The following CEP126 variants were observed in gnomAD, a reference collection of about 807,000 sequenced individuals.
CEP126 encodes centrosomal protein of 126 kDa.
In CEP126, 74 loss-of-function variants were observed where a neutral mutation model predicts 107.8. The observed-to-expected ratio is 0.69, with a 90% CI of 0.57 to 0.83. CEP126 has a LOEUF of 0.83. CEP126 is among the 40% of genes least tolerant of loss of function. The pLI is 0.00. For missense variants in CEP126, 1,237 were observed against 1,281.9 expected (o/e 0.96, Z 0.53); for synonymous variants, 449 against 446.0 (o/e 1.01, Z -0.08).
At chr11:101,947,981 C>G (rs759604165) in intron 3 of CEP126, 50 bp from the exon 4 acceptor site, 2 of 824,202 alleles carry the variant, frequency 2.4e-6, no homozygotes, top group South Asian at 4.6e-5. Context: ...GTAAAGTGAC[C>G]ACTGAAGATA....
intron 9 of CEP126, among the ~76,000 whole-genome samples, chr11:101,988,482 T>G (rs1437675907): frequency 6.6e-6 from 1 of 152,114 alleles, no homozygotes; most frequent in Non-Finnish European, 1.5e-5. Context: ...TTGACAACTT[T>G]TCCAATTTGA....
intron 2 of CEP126, among the ~76,000 whole-genome samples, chr11:101,933,182 A>G (rs1940526824): frequency 2.0e-5 from 3 of 152,296 alleles, no homozygotes; most frequent in South Asian, 2.1e-4. Flanking sequence ...TCCAAGCCCT[A>G]TGCTATGTGC....
At chr11:101,977,506 C>T (rs1402384766) in intron 6 of CEP126, among the ~76,000 whole-genome samples, 1 of 151,570 alleles carries the variant, frequency 6.6e-6, no homozygotes, top group Non-Finnish European at 1.5e-5. Context: ...TGGCATGCAC[C>T]TGTAGCCCTA....
At chr11:101,987,066 T>C (rs1266489484) in intron 9 of CEP126, 25 bp downstream of exon 9, 1 of 1,410,072 alleles carries the variant, frequency 7.1e-7, no homozygotes, top group Admixed American at 1.8e-5. Flanking sequence ...ACACCTTTTA[T>C]AAGAAATACT....
chr11:101,980,030 G>C (rs1163482981), intron 7 of CEP126, among the ~76,000 whole-genome samples: 1 of 151,954 alleles, frequency 6.6e-6, no homozygotes, highest in African/African-American at 2.4e-5. Context: ...GTATATTATA[G>C]GAAGTACTGA....
intron 2 of CEP126, among the ~76,000 whole-genome samples, chr11:101,927,345 A>G (rs1490753121): frequency 6.6e-6 from 1 of 152,208 alleles, no homozygotes; most frequent in Admixed American, 6.5e-5. Context: ...TAAACTCTTT[A>G]TTTTGAGGTA....
intron 8 of CEP126, among the ~76,000 whole-genome samples, chr11:101,982,963 G>A (rs1941274406): frequency 6.6e-6 from 1 of 152,120 alleles, no homozygotes. Flanking sequence ...CTCTTCAGCT[G>A]CACTATATCT....
At position 101,915,027 on chromosome 11, in the gene CEP126, C is replaced by T; in HGVS notation, c.-258C>T. The T allele has an allele frequency of 4.7e-6, 2 of 428,696 alleles. No individual in the cohort carries two copies. The highest frequency in any genetic ancestry group is 8.3e-6 in the Non-Finnish European group (2 of 242,082). 26.6% of individuals were successfully genotyped at this position (428,696 alleles called of 1,614,324 possible). On this transcript the variant is annotated 5_prime_UTR_variant, in exon 1 of 11. Transcript: ENST00000263468. ...TCAAGGACGCGCCGTCGGTTGTTGT[C>T]AAGATGGCGGCTGCAGGGTTGCTGC... is the stretch of plus-strand genomic sequence containing the variant.
chr11:101,966,325 C>T (rs1415703657), intron 6 of CEP126, among the ~76,000 whole-genome samples: 2 of 152,134 alleles, frequency 1.3e-5, no homozygotes, highest in Non-Finnish European at 2.9e-5. Flanking sequence ...TTTGTTAATA[C>T]TGGATTACAG....
intron 1 of CEP126, among the ~76,000 whole-genome samples, chr11:101,919,679 T>C (rs1254657761): frequency 2.0e-5 from 3 of 152,198 alleles, no homozygotes; most frequent in Non-Finnish European, 4.4e-5. Flanking sequence ...TACTTATATA[T>C]AAAGAAAGTA....
intron 6 of CEP126, among the ~76,000 whole-genome samples, chr11:101,976,777 T>C (rs1440172520): frequency 6.6e-6 from 1 of 152,238 alleles, no homozygotes; most frequent in Non-Finnish European, 1.5e-5. Context: ...GAAGGTTAAC[T>C]ACTCTTTTAA....
At chr11:101,940,627 C>A (rs1940649688) in intron 2 of CEP126, among the ~76,000 whole-genome samples, 1 of 152,170 alleles carries the variant, frequency 6.6e-6, no homozygotes, top group African/African-American at 2.4e-5. Flanking sequence ...GATTCCACTT[C>A]GTTGGACATC....
chr11:101,967,025 CTTTTTTT>C (rs759877416), intron 6 of CEP126, among the ~76,000 whole-genome samples: 5 of 107,068 alleles, frequency 4.7e-5, no homozygotes, highest in African/African-American at 1.8e-4. Context: ...CTCTTTCTTT[CTTTTTTT>C]TTTTTTTTTT....
Position 101,986,839 on chromosome 11 carries a change from T to G in CEP126, c.3042T>G (p.Asp1014Glu). 2 of 1,613,074 alleles carry G rather than the reference T, an allele frequency of 1.2e-6. No individual in the cohort carries two copies. Among genetic ancestry groups the G allele is most frequent in the Non-Finnish European group, 1.7e-6 (2 of 1,179,196 alleles). ...RGTSYIEEVS[D>E]STSEFLMAEN... Reference sequence around the variant, plus strand: ...TGATGTAAGTTTCTGTAGTTTCAGATAGTACTTCTGAGTTTTTGATGGCTG... The same window carrying G: ...TGATGTAAGTTTCTGTAGTTTCAGAGAGTACTTCTGAGTTTTTGATGGCTG... Residue 1014 changes from aspartate (D) to glutamate (E), a missense_variant, in exon 9 of 11, where the codon GAT becomes GAG. Around this residue, in one of 3 missense-constraint regions of CEP126, gnomAD observed 99 missense variants for 114.4 expected, o/e 0.87. Transcript: ENST00000263468.
intron 4 of CEP126, among the ~76,000 whole-genome samples, chr11:101,955,080 A>C (rs535740077): frequency 1.6e-4 from 24 of 152,302 alleles, no homozygotes; most frequent in Admixed American, 6.5e-4. Flanking sequence ...CAATCTGATC[A>C]TGTAAAAGAG....
In CEP126 at chr11:101,963,131, C is replaced by T. The variant is rs140786047; in HGVS notation, c.2096C>T (p.Thr699Met). Residue 699 changes from threonine to methionine, a missense_variant, in exon 6 of 11, where the codon ACG (threonine) becomes ATG (methionine). Coordinates refer to ENST00000263468, the MANE Select transcript of CEP126 (RefSeq NM_020802.4). ...SREDSISENV[T>M]TLGGSGADHM... is the part of the protein sequence containing the mutation. ...GAGGATTCTATCTCTGAAAATGTTACGACTTTAGGAGGATCTGGAGCAGAC... is the reference window on the plus strand; with the variant it reads ...GAGGATTCTATCTCTGAAAATGTTATGACTTTAGGAGGATCTGGAGCAGAC... 6.0e-5 allele frequency: 97 copies of T among 1,613,910 alleles called. No homozygotes were observed. Among genetic ancestry groups the T allele is most frequent in the South Asian group, 4.7e-4 (43 of 91,052 alleles).
At chr11:101,915,976 C>G (rs1940203789) in intron 1 of CEP126, 1 of 152,264 alleles carries the variant, frequency 6.6e-6, no homozygotes, top group Admixed American at 6.5e-5. Flanking sequence ...GCTTTACAAT[C>G]TGGATTAACT....
chr11:101,963,505 G>T lies in CEP126; in HGVS notation c.2470G>T (p.Val824Leu). 6.2e-7 allele frequency: 1 copy of T among 1,614,026 alleles called. No homozygotes were observed. Among genetic ancestry groups the T allele is most frequent in the Non-Finnish European group, 8.5e-7 (1 of 1,179,950 alleles). The change falls in exon 6 of 11, where the codon GTA (valine) becomes TTA (leucine). Residue 824 changes from valine to leucine, a missense_variant. By Grantham distance (32) the Val-to-Leu change is conservative. Coordinates refer to ENST00000263468, the MANE Select transcript of CEP126 (RefSeq NM_020802.4). Reference sequence around the variant, plus strand: ...TATACAAGTGTCTCAGTGTCAACCAGTAACTCCTGAAAATCCTCAAAACAT... The same window carrying T: ...TATACAAGTGTCTCAGTGTCAACCATTAACTCCTGAAAATCCTCAAAACAT... ...KNIQVSQCQP[V>L]TPENPQNIIT...
chr11:101,937,567 A>C (rs1273913865), intron 2 of CEP126, among the ~76,000 whole-genome samples: 1 of 152,144 alleles, frequency 6.6e-6, no homozygotes, highest in Non-Finnish European at 1.5e-5. Context: ...AATGTTGATG[A>C]GAGATATTGC....
Sources: gnomAD v4.1 joint callset for allele counts (sites outside exome capture counted in the v4.1 genomes callset) on GRCh38, gnomAD v4.1.1 for gene constraint, gnomAD v4.1.1 regional missense constraint, MANE v1.5 for transcripts, NCBI Gene and HGNC (gene_info 2026-07-23, HGNC 2026-07-21) for gene names.